Variants in RNGTT observed in about 807,000 individuals in gnomAD.
The protein encoded by RNGTT is RNA guanylyltransferase and 5'-phosphatase.
Under a neutral mutation model 79.3 loss-of-function variants are expected in RNGTT, and 33 were observed. The observed-to-expected ratio is 0.42, with a 90% confidence interval of 0.32 to 0.56. RNGTT has a LOEUF of 0.56. Ranked by LOEUF, RNGTT falls within the 20% of genes least tolerant of loss-of-function variation. The pLI is 0.17. For missense variants in RNGTT, 497 were observed against 739.1 expected, an observed-to-expected ratio of 0.67 and a Z score of 3.80; for synonymous variants, 222 against 235.9, an observed-to-expected ratio of 0.94 and a Z score of 0.54.
intron 13 of RNGTT, among the ~76,000 whole-genome samples, chr6:88,686,333 C>T (rs1775276964): frequency 6.6e-6 from 1 of 152,014 alleles, no homozygotes; most frequent in African/African-American, 2.4e-5. Context: ...AATTACAACA[C>T]TGTTACCACA....
In RNGTT at chr6:88,612,537, G is replaced by A. The variant is rs1001224446; in HGVS notation, c.*182C>T. 1 of 623,772 alleles carries A rather than the reference G, an allele frequency of 1.6e-6. No individual in the cohort carries two copies. Among genetic ancestry groups the A allele is most frequent in the Admixed American group, 2.9e-5 (1 of 34,000 alleles). The allele number at this position is 623,772 out of a possible 1,614,324, so 38.6% of individuals were successfully genotyped here. The stretch of plus-strand genomic sequence containing the variant: ...TAAGTCCACGATGTATTGCAGCACT[G>A]AGGAAACGAATGCATCAAGTATTTA... On this transcript the variant is annotated 3_prime_UTR_variant, in exon 16 of 16. Transcript: ENST00000369485.
intron 8 of RNGTT, among the ~76,000 whole-genome samples, chr6:88,864,575 G>A (rs1782111603): frequency 6.6e-6 from 1 of 152,074 alleles, no homozygotes; most frequent in South Asian, 2.1e-4. Context: ...ACTTGACTAA[G>A]TGTCTGTTTC....
rs751785400 is a variant in RNGTT, at chr6:88,769,823, G to C, written c.1390C>G (p.Leu464Val). The C allele has an allele frequency of 2.5e-6, 4 of 1,612,624 alleles. No individual in the cohort carries two copies. Among genetic ancestry groups the C allele is most frequent in the Non-Finnish European group, 3.4e-6 (4 of 1,179,162 alleles). ...TTTAGACGAAAATCCACAGAATTCA[G>C]ACTGGGAGGCTTCCATTTCAAAATA... ...DDILKWKPPS[L>V]NSVDFRLKIT... Residue 464 changes from leucine (L) to valine (V), a missense_variant, in exon 13 of 16, where the codon CTG becomes GTG. Transcript: ENST00000369485.
chr6:88,832,583 T>C (rs1229697803), intron 11 of RNGTT, among the ~76,000 whole-genome samples: 1 of 152,074 alleles, frequency 6.6e-6, no homozygotes, highest in Non-Finnish European at 1.5e-5. Flanking sequence ...AATTGACAAG[T>C]GGGATCTAAT....
At chr6:88,735,103 G>A (rs1777240693) in intron 13 of RNGTT, among the ~76,000 whole-genome samples, 1 of 152,114 alleles carries the variant, frequency 6.6e-6, no homozygotes, top group Admixed American at 6.5e-5. Context: ...ATTACTTAAT[G>A]ATAAACGGGT....
intron 14 of RNGTT, among the ~76,000 whole-genome samples, chr6:88,625,871 GCT>G (rs1772611152): frequency 6.6e-6 from 1 of 151,786 alleles, no homozygotes; most frequent in African/African-American, 2.4e-5. Context: ...TATTTTTCTA[GCT>G]CTAATAAATT....
chr6:88,694,413 C>T (rs376126725), intron 13 of RNGTT, among the ~76,000 whole-genome samples: 7 of 151,456 alleles, frequency 4.6e-5, no homozygotes, highest in African/African-American at 1.2e-4. Flanking sequence ...GGCCTACACA[C>T]GAAAAATTAT....
rs539457881 is a variant in RNGTT at position 88,789,015 on chromosome 6, C to T, written c.1338+12549G>A. On this transcript the variant is annotated intron_variant, in intron 12 of 15. Transcript: ENST00000369485. Reference sequence around the variant, plus strand: ...GTAGAATATTAAATCAAAAGCTAAACAATAAAACTTTCTCCTAAGCTGGTT... The same window carrying T: ...GTAGAATATTAAATCAAAAGCTAAATAATAAAACTTTCTCCTAAGCTGGTT... Among the ~76,000 whole-genome samples, 19 of 152,310 alleles carry T rather than the reference C, an allele frequency of 1.2e-4. No individual in the cohort carries two copies. The South Asian group carries it at 3.9e-3, about 32-fold the overall frequency.
At chr6:88,743,018 G>A (rs970351361) in intron 13 of RNGTT, among the ~76,000 whole-genome samples, 5 of 152,148 alleles carry the variant, frequency 3.3e-5, no homozygotes, top group African/African-American at 1.2e-4. Flanking sequence ...ATTTCCAAAT[G>A]TGAAGATACG....
chr6:88,959,590 T>A (rs1785547172), intron 1 of RNGTT, among the ~76,000 whole-genome samples: 1 of 152,188 alleles, frequency 6.6e-6, no homozygotes. Flanking sequence ...CCTTCTACTC[T>A]TCATCTGTCA....
intron 13 of RNGTT, among the ~76,000 whole-genome samples, chr6:88,697,904 TATATATATGAA>T (rs1775741842): frequency 8.5e-6 from 1 of 117,378 alleles, no homozygotes; most frequent in South Asian, 2.4e-4. Context: ...ATATATATGA[TATATATATGAA>T]ATACATATAT....
At chr6:88,688,703 T>A (rs1176565154) in intron 13 of RNGTT, among the ~76,000 whole-genome samples, 1 of 152,196 alleles carries the variant, frequency 6.6e-6, no homozygotes, top group African/African-American at 2.4e-5. Context: ...TATTGGATTA[T>A]AACCCATAAA....
At chr6:88,783,540 G>A (rs555166292) in intron 12 of RNGTT, among the ~76,000 whole-genome samples, 3 of 151,920 alleles carry the variant, frequency 2.0e-5, no homozygotes, top group Non-Finnish European at 4.4e-5. Flanking sequence ...ATTTCTATAC[G>A]TCAAAAAAGT....
chr6:88,788,714 T>C (rs1336499060), intron 12 of RNGTT, among the ~76,000 whole-genome samples: 3 of 152,222 alleles, frequency 2.0e-5, no homozygotes, highest in Non-Finnish European at 4.4e-5. Flanking sequence ...CATTGGAGTT[T>C]ATATTTTTGA....
chr6:88,824,664 G>C (rs2127882583), intron 11 of RNGTT, among the ~76,000 whole-genome samples: 1 of 151,872 alleles, frequency 6.6e-6, no homozygotes, highest in East Asian at 1.9e-4. Context: ...AGTTCCGTTG[G>C]ACAGGTCTGC....
intron 11 of RNGTT, among the ~76,000 whole-genome samples, chr6:88,808,474 A>T (rs1780031540): frequency 6.6e-6 from 1 of 152,220 alleles, no homozygotes; most frequent in South Asian, 2.1e-4. Context: ...AAAGTAAATG[A>T]GAAAACATGG....
intron 12 of RNGTT, among the ~76,000 whole-genome samples, chr6:88,792,859 T>C (rs1779468355): frequency 6.6e-6 from 1 of 152,140 alleles, no homozygotes; most frequent in Non-Finnish European, 1.5e-5. Context: ...AATTTTGCAT[T>C]TGAGAGAGAA....
chr6:88,724,081 A>G (rs1776802576), intron 13 of RNGTT, among the ~76,000 whole-genome samples: 1 of 152,350 alleles, frequency 6.6e-6, no homozygotes, highest in South Asian at 2.1e-4. Context: ...TTAAAAAAAA[A>G]TCCTAAAAGT....
intron 13 of RNGTT, among the ~76,000 whole-genome samples, chr6:88,724,111 T>G (rs935947730): frequency 2.0e-5 from 3 of 152,202 alleles, no homozygotes; most frequent in Non-Finnish European, 4.4e-5. Flanking sequence ...AAAAAAGTTA[T>G]AGTGAGCTAA....
Sources: allele counts gnomAD v4.1 joint callset (sites outside exome capture counted in the v4.1 genomes callset), GRCh38; gene constraint gnomAD v4.1.1; transcripts MANE v1.5; gene names NCBI Gene and HGNC (gene_info 2026-07-23, HGNC 2026-07-21).